Variants in ZFHX3 observed in about 807,000 individuals in gnomAD.
ZFHX3 encodes zinc finger homeobox 3.
A neutral mutation model predicts 279.1 loss-of-function variants in ZFHX3; 42 were observed. The ratio of observed to expected loss-of-function variants is 0.15; its 90% confidence interval spans 0.12 to 0.19. ZFHX3 has a LOEUF of 0.19. Among genes scored for constraint, ZFHX3 ranks in the 10% least tolerant of loss-of-function variants. The pLI is 1.00. For missense variants in ZFHX3, 4,981 were observed against 4,754.0 expected (o/e 1.05, Z -1.40); for synonymous variants, 2,293 against 1,957.8 (o/e 1.17, Z -4.52).
At chr16:73,605,256 G>A (rs1299881847) in intron 2 of ZFHX3, among the ~76,000 whole-genome samples, 1 of 152,182 alleles carries the variant, frequency 6.6e-6, no homozygotes, top group African/African-American at 2.4e-5. Flanking sequence ...CACGGCAGCA[G>A]GGAACTTAAA....
At chr16:73,218,116 C>T (rs981878457) in intron 5 of ZFHX3, among the ~76,000 whole-genome samples, 3 of 152,104 alleles carry the variant, frequency 2.0e-5, no homozygotes, top group Non-Finnish European at 4.4e-5. Flanking sequence ...GTGGAACCGC[C>T]CATCCTGCAG....
intron 8 of ZFHX3, among the ~76,000 whole-genome samples, chr16:73,065,275 C>A (rs1442159359): frequency 1.3e-5 from 2 of 152,186 alleles, no homozygotes; most frequent in Admixed American, 1.3e-4. Context: ...CGTGCGATAA[C>A]GGAGGGATGC....
At chr16:72,948,217 C>A (rs181281284) in intron 3 of ZFHX3, among the ~76,000 whole-genome samples, 1 of 152,184 alleles carries the variant, frequency 6.6e-6, no homozygotes, top group Non-Finnish European at 1.5e-5. Flanking sequence ...TGGCTCCTGA[C>A]GGAGGCAATT....
chr16:73,248,534 T>C (rs1034885911), intron 5 of ZFHX3, among the ~76,000 whole-genome samples: 1 of 151,056 alleles, frequency 6.6e-6, no homozygotes, highest in Non-Finnish European at 1.5e-5. Flanking sequence ...TATGTGTCTG[T>C]GTGTACATGT....
At chr16:73,605,667 G>C (rs973417682) in intron 2 of ZFHX3, among the ~76,000 whole-genome samples, 1 of 151,766 alleles carries the variant, frequency 6.6e-6, no homozygotes, top group African/African-American at 2.4e-5. Context: ...GGTAGGCTAT[G>C]GGGGAAGGCT....
intron 2 of ZFHX3, among the ~76,000 whole-genome samples, chr16:73,593,746 G>GATGACTGTA (rs2143847701): frequency 6.6e-6 from 1 of 152,150 alleles, no homozygotes; most frequent in East Asian, 1.9e-4. Flanking sequence ...GACACTGAGG[G>GATGACTGTA]ATGACTGTAC....
At chr16:73,319,511 A>G (rs12929929) in intron 3 of ZFHX3, among the ~76,000 whole-genome samples, 63,414 of 151,696 alleles carry the variant, frequency 0.42, 14,344 homozygotes, top group Non-Finnish European at 0.52. Flanking sequence ...AGGCCCAGAC[A>G]GGAGAGTCAT....
At chr16:72,825,071 T>C (rs1343427976) in intron 5 of ZFHX3, among the ~76,000 whole-genome samples, 2 of 152,208 alleles carry the variant, frequency 1.3e-5, no homozygotes, top group East Asian at 1.9e-4. Context: ...TCTCAGGCGG[T>C]TGGGACTAGT....
intron 2 of ZFHX3, among the ~76,000 whole-genome samples, chr16:73,659,644 A>T (rs2052759527): frequency 1.3e-5 from 2 of 152,110 alleles, no homozygotes; most frequent in Non-Finnish European, 2.9e-5. Flanking sequence ...AACTGGATAC[A>T]CAAATTCATT....
chr16:72,934,114 G>A (rs1003587747), intron 3 of ZFHX3, among the ~76,000 whole-genome samples: 77 of 152,214 alleles, frequency 5.1e-4, no homozygotes, highest in South Asian at 2.1e-4. Flanking sequence ...CACCACGCCC[G>A]GCCACAGCTT....
At chr16:72,906,063 CCA>C (rs1310402545) in intron 3 of ZFHX3, among the ~76,000 whole-genome samples, 1 of 151,904 alleles carries the variant, frequency 6.6e-6, no homozygotes, top group Non-Finnish European at 1.5e-5. Flanking sequence ...CCAGCTACGC[CCA>C]AACTCTGGGA....
intron 2 of ZFHX3, among the ~76,000 whole-genome samples, chr16:73,578,083 C>A (rs1270461076): frequency 6.6e-6 from 1 of 152,206 alleles, no homozygotes; most frequent in African/African-American, 2.4e-5. Flanking sequence ...TCAAACCCAG[C>A]ATTTCGCAAA....
intron 3 of ZFHX3, among the ~76,000 whole-genome samples, chr16:73,346,085 G>A (rs536901838): frequency 2.6e-5 from 4 of 152,220 alleles, no homozygotes; most frequent in Admixed American, 6.5e-5. Flanking sequence ...AAGGCTCAGC[G>A]ACCCTGCACC....
At chr16:73,837,850 G>A (rs538195380) in intron 1 of ZFHX3, among the ~76,000 whole-genome samples, 6 of 152,266 alleles carry the variant, frequency 3.9e-5, no homozygotes, top group African/African-American at 1.2e-4. Flanking sequence ...TGGTCAGGCC[G>A]GTCTTGAACT....
At chr16:72,824,017 G>C (rs903149157) in intron 5 of ZFHX3, among the ~76,000 whole-genome samples, 1 of 152,134 alleles carries the variant, frequency 6.6e-6, no homozygotes, top group Non-Finnish European at 1.5e-5. Context: ...CAGGCACTAA[G>C]TTCCCCATAC....
intron 2 of ZFHX3, among the ~76,000 whole-genome samples, chr16:73,477,945 T>C (rs1428599718): frequency 6.6e-6 from 1 of 152,188 alleles, no homozygotes; most frequent in African/African-American, 2.4e-5. Flanking sequence ...TCCTGGCTTA[T>C]TTTGTTGTTG....
rs377662660 is a variant in ZFHX3 at position 73,684,170 on chromosome 16, T to C, written c.-1607-3930A>G. Among the ~76,000 whole-genome samples, 3 of 152,122 alleles carry C rather than the reference T, an allele frequency of 2.0e-5. No individual in the cohort carries two copies. The South Asian group carries it at 6.2e-4, about 32-fold the overall frequency. ...GTAGCTGAGTGAGGTGGTGGGTACC[T>C]GTAGTCCCAGCTACTCGAGAGGCTA... On this transcript the variant is annotated intron_variant, in intron 1 of 17. Transcript: ENST00000641206.
chr16:73,562,335 C>T (rs1297988349), intron 2 of ZFHX3, among the ~76,000 whole-genome samples: 1 of 152,110 alleles, frequency 6.6e-6, no homozygotes, highest in Non-Finnish European at 1.5e-5. Context: ...GTGGCTCACA[C>T]CTGTAATCCC....
Position 72,795,980 on chromosome 16 carries a change from T to C in ZFHX3, c.6702A>G (p.Pro2234=), listed in dbSNP as rs2035886689. 6.2e-7 allele frequency: 1 copy of C among 1,614,180 alleles called. No individual in the cohort carries two copies. The highest frequency in any genetic ancestry group is 8.5e-7 in the Non-Finnish European group (1 of 1,180,042). Reference sequence around the variant, plus strand: ...TCTTGCTTCCCCAGTACTCCTGCTTTGGAGGTTCCGGCGAAGGGGGCCGGG... The same window carrying C: ...TCTTGCTTCCCCAGTACTCCTGCTTCGGAGGTTCCGGCGAAGGGGGCCGGG... The part of the protein sequence containing the change: ...IDSRPPSPEP[P]KQEYWGSKRS... Residue 2234 remains proline (P), a synonymous_variant, in exon 9 of 10, where the codon CCA becomes CCG. Coordinates refer to ENST00000268489, the MANE Select transcript of ZFHX3 (RefSeq NM_006885.4).
Sources: allele counts gnomAD v4.1 joint callset (sites outside exome capture counted in the v4.1 genomes callset), GRCh38; gene constraint gnomAD v4.1.1; transcripts MANE v1.5; gene names NCBI Gene and HGNC (gene_info 2026-07-23, HGNC 2026-07-21).